Variants in SHISA9 observed in about 807,000 individuals in gnomAD.
SHISA9 encodes the protein shisa family member 9.
In SHISA9, 13 loss-of-function variants were observed where a neutral mutation model predicts 38.0. That is an observed-to-expected ratio of 0.34 (90% CI 0.22 to 0.54). The LOEUF is 0.54. SHISA9 is among the 20% of genes least tolerant of loss of function. The pLI, the probability that SHISA9 is intolerant of heterozygous loss-of-function variation, is 0.91. For missense variants in SHISA9, 538 were observed against 575.8 expected (o/e 0.93, Z 0.67); for synonymous variants, 275 against 242.0 (o/e 1.14, Z -1.27).
At chr16:12,935,885 T>C (rs978237181) in intron 2 of SHISA9, among the ~76,000 whole-genome samples, 2 of 140,902 alleles carry the variant, frequency 1.4e-5, no homozygotes, top group Non-Finnish European at 3.1e-5. Context: ...ACATATGAGA[T>C]GGAGGATATA....
intron 3 of SHISA9, among the ~76,000 whole-genome samples, chr16:13,204,382 G>T (rs567212632): frequency 6.6e-6 from 1 of 152,110 alleles, no homozygotes; most frequent in East Asian, 1.9e-4. Flanking sequence ...GCACATGTGC[G>T]GTGAGGGCTA....
chr16:12,930,705 T>C (rs1398394139), intron 2 of SHISA9, among the ~76,000 whole-genome samples: 1 of 152,048 alleles, frequency 6.6e-6, no homozygotes, highest in African/African-American at 2.4e-5. Flanking sequence ...AAAGTAACCT[T>C]AATAATCTCC....
chr16:13,549,948 A>C, the SHISA9 span, among the ~76,000 whole-genome samples: 1 of 151,502 alleles, frequency 6.6e-6, no homozygotes, highest in East Asian at 1.9e-4. Flanking sequence ...GCTTGAACCC[A>C]GGAGGCAGAG....
chr16:13,339,341 G>A, the SHISA9 span, among the ~76,000 whole-genome samples: 1 of 152,110 alleles, frequency 6.6e-6, no homozygotes. Context: ...AACCAGTGGA[G>A]AGAGGATGAT....
At chr16:13,289,686 G>A in the SHISA9 span, among the ~76,000 whole-genome samples, 1 of 151,936 alleles carries the variant, frequency 6.6e-6, no homozygotes, top group African/African-American at 2.4e-5. Flanking sequence ...AAGAGAGAGA[G>A]AGAGAGATTG....
At chr16:13,445,183 C>T in the SHISA9 span, among the ~76,000 whole-genome samples, 1 of 151,632 alleles carries the variant, frequency 6.6e-6, no homozygotes, top group East Asian at 1.9e-4. Flanking sequence ...TCTTTTTCAT[C>T]CTTTTGCATT....
intron 2 of SHISA9, among the ~76,000 whole-genome samples, chr16:13,121,832 T>TACACACACACAC (rs55727441): frequency 4.8e-4 from 65 of 134,848 alleles, no homozygotes; most frequent in South Asian, 1.8e-3. Context: ...TATACACACA[T>TACACACACACAC]ACACACACAC....
intron 2 of SHISA9, among the ~76,000 whole-genome samples, chr16:13,091,894 G>C (rs2073778885): frequency 6.6e-6 from 1 of 152,188 alleles, no homozygotes; most frequent in South Asian, 2.1e-4. Flanking sequence ...CTGGTTTTTA[G>C]AATTTTCAGC....
rs1281661142 is a variant in SHISA9 at position 13,047,679 on chromosome 16, A to G, written c.691+130864A>G. Among the ~76,000 whole-genome samples the G allele has an allele frequency of 2.6e-5, 4 of 152,178 alleles. No homozygotes were observed. The East Asian group carries it at 5.8e-4, about 22-fold the overall frequency. Reference sequence around the variant, plus strand: ...CTGGAAAAAGTGAGAAGAAATAAACATCTATCAAGTACCTCCCGTGTGCCA... The same window carrying G: ...CTGGAAAAAGTGAGAAGAAATAAACGTCTATCAAGTACCTCCCGTGTGCCA... On this transcript the variant is annotated intron_variant, in intron 2 of 4. Coordinates refer to ENST00000558583, the MANE Select transcript of SHISA9 (RefSeq NM_001145204.3).
the SHISA9 span, among the ~76,000 whole-genome samples, chr16:13,405,643 G>T: frequency 0.014 from 2,108 of 152,204 alleles, 45 homozygotes; most frequent in African/African-American, 0.048. Context: ...CACTGTAGTA[G>T]TCCCTAGTGT....
At chr16:13,122,696 TTAAG>T (rs1244685768) in intron 2 of SHISA9, among the ~76,000 whole-genome samples, 1 of 152,216 alleles carries the variant, frequency 6.6e-6, no homozygotes, top group African/African-American at 2.4e-5. Context: ...GTTTGATGCA[TTAAG>T]TATGTTTTCT....
intron 2 of SHISA9, among the ~76,000 whole-genome samples, chr16:13,001,992 TAGTAAAAA>T (rs2072531844): frequency 6.6e-6 from 1 of 152,198 alleles, no homozygotes; most frequent in Admixed American, 6.5e-5. Flanking sequence ...AAAAATTTCA[TAGTAAAAA>T]TGTTAGAAAA....
chr16:13,444,448 CAAGG>C, the SHISA9 span, among the ~76,000 whole-genome samples: 134 of 148,196 alleles, frequency 9.0e-4, no homozygotes, highest in African/African-American at 1.8e-3. Flanking sequence ...AGGGAGGAAA[CAAGG>C]AAGGAAGGAA....
chr16:13,433,268 C>T, the SHISA9 span, among the ~76,000 whole-genome samples: 3 of 152,198 alleles, frequency 2.0e-5, no homozygotes, highest in African/African-American at 4.8e-5. Flanking sequence ...CACCATTTAA[C>T]TCACGGTGTG....
At chr16:13,384,620 A>T in the SHISA9 span, among the ~76,000 whole-genome samples, 2 of 152,162 alleles carry the variant, frequency 1.3e-5, no homozygotes, top group Non-Finnish European at 2.9e-5. Context: ...GGAGACAGCA[A>T]CCTTGAAGCT....
the SHISA9 span, among the ~76,000 whole-genome samples, chr16:13,485,669 T>C: frequency 6.6e-6 from 1 of 152,240 alleles, no homozygotes; most frequent in Non-Finnish European, 1.5e-5. Flanking sequence ...TCTTCTCTTC[T>C]AGGTATTTTG....
intron 2 of SHISA9, among the ~76,000 whole-genome samples, chr16:12,995,024 A>G (rs1462869210): frequency 1.3e-5 from 2 of 152,100 alleles, no homozygotes; most frequent in East Asian, 3.8e-4. Context: ...ACAGGAGTGG[A>G]TAAGCTTATT....
chr16:12,905,380 G>C (rs2071078926), intron 1 of SHISA9, among the ~76,000 whole-genome samples: 1 of 152,042 alleles, frequency 6.6e-6, no homozygotes, highest in Non-Finnish European at 1.5e-5. Flanking sequence ...AGATTCTTGA[G>C]TTCTATCCAC....
At chr16:13,553,886 G>C in the SHISA9 span, among the ~76,000 whole-genome samples, 1 of 152,046 alleles carries the variant, frequency 6.6e-6, no homozygotes, top group Non-Finnish European at 1.5e-5. Context: ...AGAAACATCA[G>C]AATCCAAACC....
Sources: allele counts gnomAD v4.1 joint callset (sites outside exome capture counted in the v4.1 genomes callset), GRCh38; gene constraint gnomAD v4.1.1; transcripts MANE v1.5; gene names NCBI Gene and HGNC (gene_info 2026-07-23, HGNC 2026-07-21).